The following MTNR1A variants were observed in gnomAD, a reference collection of about 807,000 sequenced individuals.
The protein encoded by MTNR1A is melatonin receptor type 1A.
MTNR1A carries 7 observed loss-of-function variants against 5.5 expected under a neutral mutation model. The ratio of observed to expected loss-of-function variants is 1.28; its 90% CI spans 0.73 to 2.40. The LOEUF is 2.40. Ranked by LOEUF, MTNR1A falls within the 30% of genes most tolerant of loss-of-function variation. MTNR1A has a pLI of 0.00. For missense variants in MTNR1A, 441 were observed against 464.4 expected (o/e 0.95, Z 0.46); for synonymous variants, 196 against 202.7 (o/e 0.97, Z 0.28).
chr4:186,552,848 C>T (rs1737291011), intron 1 of MTNR1A, among the ~76,000 whole-genome samples: 2 of 152,200 alleles, frequency 1.3e-5, no homozygotes, highest in African/African-American at 2.4e-5. Flanking sequence ...GGTAGCTTCA[C>T]TTCTATTATC....
intron 1 of MTNR1A, among the ~76,000 whole-genome samples, chr4:186,543,230 G>C (rs1737067291): frequency 6.6e-6 from 1 of 152,198 alleles, no homozygotes. Context: ...GGGAAACTGG[G>C]TTATGATTGC....
At position 186,533,694 on chromosome 4, in the gene MTNR1A, C is replaced by T. The variant is rs562593430; in HGVS notation, c.1048G>A (p.Val350Ile). 21 of 1,614,092 alleles carry T rather than the reference C, an allele frequency of 1.3e-5. No individual in the cohort carries two copies. The Middle Eastern group carries it at 6.7e-4, about 52-fold the overall frequency. Residue 350 changes from valine (V) to isoleucine (I), a missense_variant, in exon 2 of 2, where the codon GTT becomes ATT. By Grantham distance (29) the Val-to-Ile change is conservative (BLOSUM62 3). Transcript: ENST00000307161. The part of the protein sequence containing the change: ...TNNNVVKVDS[V>I] Reference sequence around the variant, plus strand: ...ACCCGGAACGTGGTGCTTTTTTAAACGGAGTCCACCTTTACTACATTATTG... The same window carrying T: ...ACCCGGAACGTGGTGCTTTTTTAAATGGAGTCCACCTTTACTACATTATTG...
At chr4:186,544,474 C>T (rs1737096152) in intron 1 of MTNR1A, among the ~76,000 whole-genome samples, 1 of 152,220 alleles carries the variant, frequency 6.6e-6, no homozygotes. Flanking sequence ...TCCCACACTG[C>T]AATCCTCAGG....
chr4:186,555,439 GC>G lies in MTNR1A; in HGVS notation c.-75del, dbSNP rs1157628601. 8.2e-7 allele frequency: 1 copy of G among 1,224,478 alleles called. No individual in the cohort carries two copies. The highest frequency in any genetic ancestry group is 1.6e-5 in the African/African-American group (1 of 62,478). 75.9% of individuals were successfully genotyped at this position (1,224,478 alleles called of 1,614,324 possible). A position where few individuals can be genotyped will look rare whatever the true frequency, so the allele number is the denominator to read the frequency against. On this transcript the variant is annotated 5_prime_UTR_variant, in exon 1 of 2. It removes the in-frame stop codon of an upstream open reading frame in the 5' UTR. Transcript: ENST00000307161. This position sits in a 1 kb window ranked among gnomAD's most constrained non-coding sequence, Gnocchi z 4.1. ...CCGCCCGACCACTTGTTAAGGCTCC[GC>G]CCGGCGCTCCCCGCGCCCACGCCCC... is the stretch of plus-strand genomic sequence containing the variant.
intron 1 of MTNR1A, among the ~76,000 whole-genome samples, chr4:186,553,567 A>C (rs1297207738): frequency 6.6e-6 from 1 of 152,186 alleles, no homozygotes; most frequent in Non-Finnish European, 1.5e-5. Flanking sequence ...GCTAGAGTGC[A>C]ATGGCACAAT....
chr4:186,534,207 A>G lies in MTNR1A; in HGVS notation c.535T>C (p.Phe179Leu). 1 of 1,613,928 alleles carries G rather than the reference A, an allele frequency of 6.2e-7. No individual in the cohort carries two copies. The highest frequency in any genetic ancestry group is 8.5e-7 in the Non-Finnish European group (1 of 1,179,846). ...QYDPRIYSCT[F>L]AQSVSSAYTI... is the part of the protein sequence containing the mutation. ...TAGGCGGAGCTGACGGACTGGGCGA[A>G]GGTGCACGAGTAGATCCTCGGGTCG... Residue 179 changes from phenylalanine (F) to leucine (L), a missense_variant, in exon 2 of 2, where the codon TTC becomes CTC. Physicochemically the swap from Phe to Leu is conservative, Grantham distance 22. Coordinates refer to ENST00000307161, the MANE Select transcript of MTNR1A (RefSeq NM_005958.4).
Position 186,555,446 on chromosome 4 carries a change from G to C in MTNR1A, c.-81C>G. On this transcript the variant is annotated 5_prime_UTR_variant, in exon 1 of 2. Transcript: ENST00000307161. The surrounding 1 kb of genome is among the most constrained non-coding windows in gnomAD (Gnocchi z 4.1). ...ACCACTTGTTAAGGCTCCGCCCGGC[G>C]CTCCCCGCGCCCACGCCCCATCCCG... The C allele has an allele frequency of 8.4e-7, 1 of 1,187,908 alleles. No homozygotes were observed. Among genetic ancestry groups the C allele is most frequent in the South Asian group, 3.0e-5 (1 of 33,488 alleles). 73.6% of individuals were successfully genotyped at this position (1,187,908 alleles called of 1,614,324 possible).
At position 186,533,754 on chromosome 4, in the gene MTNR1A, T is replaced by C; in HGVS notation, c.988A>G (p.Arg330Gly). 6.2e-7 allele frequency: 1 copy of C among 1,614,238 alleles called. No individual in the cohort carries two copies. The highest frequency in any genetic ancestry group is 1.1e-5 in the South Asian group (1 of 91,084). Residue 330 changes from arginine (R) to glycine (G), a missense_variant, in exon 2 of 2, where the codon AGG becomes GGG. By Grantham distance (125) the Arg-to-Gly change is moderately radical. Transcript: ENST00000307161. ...FVDSSNDVAD[R>G]VKWKPSPLMT... ...AGTGGAGACGGTTTCCATTTAACCC[T>C]ATCGGCCACGTCGTTAGAGCTGTCC... is the stretch of plus-strand genomic sequence containing the variant.
rs545637308 is a variant in MTNR1A at position 186,533,972 on chromosome 4, A to G, written c.770T>C (p.Ile257Thr). The G allele has an allele frequency of 5.0e-6, 8 of 1,614,162 alleles. No individual in the cohort carries two copies. In the East Asian group the frequency reaches 8.9e-5, roughly 18 times the overall value. ...GGGGTCAGAGGCCACGGCCAGGCCA[A>G]TGAAGTTCAGAGGAGCCCAGCAAAT... ...FAICWAPLNF[I>T]GLAVASDPAS... Residue 257 changes from isoleucine (I) to threonine (T), a missense_variant, in exon 2 of 2, where the codon ATT becomes ACT. Physicochemically the swap from Ile to Thr is moderately conservative, Grantham distance 89. Coordinates refer to ENST00000307161, the MANE Select transcript of MTNR1A (RefSeq NM_005958.4).
At chr4:186,547,147 C>T (rs184210947) in intron 1 of MTNR1A, among the ~76,000 whole-genome samples, 1 of 61,264 alleles carries the variant, frequency 1.6e-5, no homozygotes, top group African/African-American at 6.1e-5. Context: ...TGGGACACAC[C>T]GTCCTCCTCA....
At chr4:186,550,126 T>C (rs1737237602) in intron 1 of MTNR1A, among the ~76,000 whole-genome samples, 1 of 152,228 alleles carries the variant, frequency 6.6e-6, no homozygotes, top group African/African-American at 2.4e-5. Flanking sequence ...TGCAGCATTA[T>C]TTAACTGCAC....
chr4:186,544,330 T>G (rs759234682), intron 1 of MTNR1A, among the ~76,000 whole-genome samples: 8 of 152,210 alleles, frequency 5.3e-5, no homozygotes, highest in Non-Finnish European at 1.2e-4. Flanking sequence ...GCAGCAGCCA[T>G]TTGTGTAATG....
chr4:186,533,658 G>C lies in MTNR1A; in HGVS notation c.*31C>G, dbSNP rs112857512. The stretch of plus-strand genomic sequence containing the variant: ...TGTCAAGAGCGAGGCCTTGCGCAGC[G>C]TGTCCATCTCACCCGGAACGTGGTG... On this transcript the variant is annotated 3_prime_UTR_variant, in exon 2 of 2. Transcript: ENST00000307161. 1.2e-5 allele frequency: 20 copies of C among 1,612,860 alleles called. No homozygotes were observed. Among genetic ancestry groups the C allele is most frequent in the Non-Finnish European group, 1.6e-5 (19 of 1,180,006 alleles).
At chr4:186,545,355 T>A (rs1391867137) in intron 1 of MTNR1A, among the ~76,000 whole-genome samples, 1 of 152,160 alleles carries the variant, frequency 6.6e-6, no homozygotes, top group Non-Finnish European at 1.5e-5. Flanking sequence ...TACGTGTGCA[T>A]CTGCTTCCAA....
chr4:186,542,004 CTG>C (rs2111376042), intron 1 of MTNR1A, among the ~76,000 whole-genome samples: 1 of 152,324 alleles, frequency 6.6e-6, no homozygotes, highest in East Asian at 1.9e-4. Flanking sequence ...ATCAGTTAAT[CTG>C]TCTTTGGCCA....
chr4:186,555,485 G>A lies in MTNR1A; in HGVS notation c.-120C>T. 4 of 809,894 alleles carry A rather than the reference G, an allele frequency of 4.9e-6. No individual in the cohort carries two copies. The highest frequency in any genetic ancestry group is 6.5e-6 in the Non-Finnish European group (4 of 619,414). The allele number at this position is 809,894 out of a possible 1,614,324, so 50.2% of individuals were successfully genotyped here. On this transcript the variant is annotated 5_prime_UTR_variant, in exon 1 of 2. Coordinates refer to ENST00000307161, the MANE Select transcript of MTNR1A (RefSeq NM_005958.4). The surrounding 1 kb of genome is among the most constrained non-coding windows in gnomAD (Gnocchi z 4.1). ...CGCCCCATCCCGCGCGCTCCTCCACGCCGCGCCCCCGGACGCCCACGCCGC... is the reference window on the plus strand; with the variant it reads ...CGCCCCATCCCGCGCGCTCCTCCACACCGCGCCCCCGGACGCCCACGCCGC...
Position 186,555,295 on chromosome 4 carries a change from G to A in MTNR1A, c.71C>T (p.Ser24Leu), listed in dbSNP as rs1039036735. Residue 24 changes from serine (S) to leucine (L), a missense_variant, in exon 1 of 2, where the codon TCG becomes TTG. Transcript: ENST00000307161. The surrounding 1 kb of genome is among the most constrained non-coding windows in gnomAD (Gnocchi z 4.1). ...GCAGGCCAGGGCGGACGCCAGCCAC[G>A]AGGGCCGCGCGCCGTCCCCGCGGAG... is the stretch of plus-strand genomic sequence containing the variant. ...PVLRGDGARPSWLASALACVL... is the reference protein window; with the variant it reads ...PVLRGDGARPLWLASALACVL... The A allele has an allele frequency of 1.9e-6, 3 of 1,548,584 alleles. No homozygotes were observed. Among genetic ancestry groups the A allele is most frequent in the Non-Finnish European group, 2.6e-6 (3 of 1,146,862 alleles).
At chr4:186,551,553 GGATA>G (rs995130378) in intron 1 of MTNR1A, among the ~76,000 whole-genome samples, 4 of 152,088 alleles carry the variant, frequency 2.6e-5, no homozygotes, top group Admixed American at 2.0e-4. Flanking sequence ...GTGGATGGAT[GGATA>G]GATGGATGGA....
intron 1 of MTNR1A, among the ~76,000 whole-genome samples, chr4:186,548,008 A>T (rs1309711687): frequency 2.0e-5 from 3 of 152,216 alleles, no homozygotes; most frequent in African/African-American, 7.2e-5. Context: ...CCTTAAATGG[A>T]AGACGAATTA....
Sources: allele counts gnomAD v4.1 joint callset (sites outside exome capture counted in the v4.1 genomes callset), GRCh38; gene constraint gnomAD v4.1.1; non-coding constraint Gnocchi (gnomAD v3.1); transcripts MANE v1.5; gene names NCBI Gene and HGNC (gene_info 2026-07-23, HGNC 2026-07-21).